Variants in JMJD1C observed in about 807,000 individuals in gnomAD.
JMJD1C encodes jumonji domain-containing protein 1C.
A neutral mutation model predicts 245.3 loss-of-function variants in JMJD1C; 31 were observed. The ratio of observed to expected loss-of-function variants is 0.13; its 90% confidence interval spans 0.09 to 0.17. The LOEUF is 0.17. Ranked by LOEUF, JMJD1C falls within the 10% of genes least tolerant of loss-of-function variation. The pLI, the probability that JMJD1C is intolerant of heterozygous loss-of-function variation, is 1.00. For synonymous variants in JMJD1C, 1,057 were observed against 1,017.4 expected, an observed-to-expected ratio of 1.04 and a Z score of -0.74; for missense variants, 2,691 against 3,000.2, an observed-to-expected ratio of 0.90 and a Z score of 2.41.
chr10:63,312,628 G>C (rs1165082190), intron 2 of JMJD1C, among the ~76,000 whole-genome samples: 1 of 152,164 alleles, frequency 6.6e-6, no homozygotes, highest in African/African-American at 2.4e-5. Context: ...AAAAAGTTGT[G>C]AAGTGGAAAT....
intron 1 of JMJD1C, among the ~76,000 whole-genome samples, chr10:63,386,315 T>C (rs142763111): frequency 2.6e-5 from 4 of 152,262 alleles, no homozygotes; most frequent in African/African-American, 4.8e-5. Context: ...CAGTTACCAG[T>C]TGCCTGCCTA....
intron 1 of JMJD1C, among the ~76,000 whole-genome samples, chr10:63,482,118 A>G (rs879849207): frequency 3.3e-5 from 5 of 152,206 alleles, no homozygotes; most frequent in Admixed American, 1.3e-4. Flanking sequence ...AAGGTTCTCC[A>G]AAGTTGTTTC....
In JMJD1C at chr10:63,462,435, AT is replaced by A. The variant is rs1456330514; in HGVS notation, c.168+3059del. On this transcript the variant is annotated intron_variant, in intron 1 of 25. Transcript: ENST00000399262. ...GTTTGCTACCACGGTGTGGTAAAAAATAATTTAATCCCAAAGATATCCATGT... is the reference window on the plus strand; with the variant it reads ...GTTTGCTACCACGGTGTGGTAAAAAAAATTTAATCCCAAAGATATCCATGT... Among the ~76,000 whole-genome samples the A allele has an allele frequency of 2.8e-4, 42 of 152,344 alleles. No homozygotes were observed. The Middle Eastern group carries it at 0.014, about 49-fold the overall frequency.
At chr10:63,339,342 G>A (rs570301899) in intron 2 of JMJD1C, among the ~76,000 whole-genome samples, 1 of 152,106 alleles carries the variant, frequency 6.6e-6, no homozygotes, top group South Asian at 2.1e-4. Context: ...AAAAGTGAGG[G>A]TGACAAAAAA....
At chr10:63,314,240 T>TA (rs772095276) in intron 2 of JMJD1C, among the ~76,000 whole-genome samples, 8 of 152,322 alleles carry the variant, frequency 5.3e-5, no homozygotes, top group African/African-American at 1.2e-4. Flanking sequence ...AACTATTTGT[T>TA]AAAAAAAGTT....
At chr10:63,229,515 GATAAT>G (rs1415435646) in intron 3 of JMJD1C, among the ~76,000 whole-genome samples, 2 of 151,934 alleles carry the variant, frequency 1.3e-5, no homozygotes, top group Non-Finnish European at 2.9e-5. Flanking sequence ...CAATCAAGAA[GATAAT>G]ATAAAATATG....
intron 3 of JMJD1C, among the ~76,000 whole-genome samples, chr10:63,257,293 C>T (rs10761730): frequency 0.86 from 129,994 of 151,278 alleles, 56,548 homozygotes; most frequent in African/African-American, 0.96. Flanking sequence ...GAGTAAGTAC[C>T]ATTAATCTAA....
At chr10:63,399,683 AT>A (rs1433300120) in intron 1 of JMJD1C, among the ~76,000 whole-genome samples, 11 of 152,196 alleles carry the variant, frequency 7.2e-5, no homozygotes, top group South Asian at 2.1e-4. Flanking sequence ...GGCATATATA[AT>A]TAAATCACTA....
At chr10:63,231,183 CA>C (rs1433384131) in intron 3 of JMJD1C, among the ~76,000 whole-genome samples, 1 of 152,154 alleles carries the variant, frequency 6.6e-6, no homozygotes, top group East Asian at 1.9e-4. Context: ...TCTTAATGCA[CA>C]CAAATCAGAA....
chr10:63,377,071 A>G (rs1305627422), intron 2 of JMJD1C, among the ~76,000 whole-genome samples: 2 of 152,348 alleles, frequency 1.3e-5, no homozygotes, highest in Non-Finnish European at 2.9e-5. Flanking sequence ...GTATAAACAC[A>G]ATGGAATGTT....
intron 1 of JMJD1C, among the ~76,000 whole-genome samples, chr10:63,406,360 A>G (rs1287945777): frequency 2.0e-5 from 3 of 152,188 alleles, no homozygotes; most frequent in Admixed American, 6.5e-5. Flanking sequence ...AACAGTTTCT[A>G]ATAAGCAATT....
chr10:63,177,485 G>A (rs528340880), intron 23 of JMJD1C: 60 of 503,648 alleles, frequency 1.2e-4, no homozygotes, highest in African/African-American at 1.1e-3. Flanking sequence ...ACAGGGAATG[G>A]AGGCACACTA....
At chr10:63,241,090 T>C (rs1350346096) in intron 3 of JMJD1C, among the ~76,000 whole-genome samples, 1 of 152,324 alleles carries the variant, frequency 6.6e-6, no homozygotes, top group East Asian at 1.9e-4. Flanking sequence ...GACTCGACTA[T>C]AGAGCTAGAC....
chr10:63,247,798 G>T (rs1466640813), intron 3 of JMJD1C, among the ~76,000 whole-genome samples: 1 of 148,860 alleles, frequency 6.7e-6, no homozygotes, highest in Admixed American at 6.7e-5. Flanking sequence ...AGGATCTAAT[G>T]ACTTTACTAC....
chr10:63,227,597 G>A (rs900068376), intron 3 of JMJD1C, among the ~76,000 whole-genome samples: 4 of 152,136 alleles, frequency 2.6e-5, no homozygotes, highest in Non-Finnish European at 4.4e-5. Flanking sequence ...CTTATTAATG[G>A]AATGATTTTC....
At chr10:63,404,434 G>C (rs1032830393) in intron 1 of JMJD1C, among the ~76,000 whole-genome samples, 20 of 152,000 alleles carry the variant, frequency 1.3e-4, no homozygotes, top group African/African-American at 4.8e-4. Flanking sequence ...TAAACAGATA[G>C]GGCCTTGCTA....
chr10:63,262,135 C>T (rs943829981), intron 3 of JMJD1C, among the ~76,000 whole-genome samples: 3 of 152,162 alleles, frequency 2.0e-5, no homozygotes, highest in East Asian at 3.8e-4. Flanking sequence ...CAGAGGGTTA[C>T]CCTAAGGTTG....
intron 2 of JMJD1C, among the ~76,000 whole-genome samples, chr10:63,312,105 TTTTTTTTTTTTG>T: frequency 9.0e-6 from 1 of 111,498 alleles, no homozygotes; most frequent in Non-Finnish European, 2.1e-5. Flanking sequence ...TTTTTTTTTT[TTTTTTTTTTTTG>T]TGTGTGTGAG....
chr10:63,370,260 C>T (rs925293740), intron 2 of JMJD1C, among the ~76,000 whole-genome samples: 1 of 152,152 alleles, frequency 6.6e-6, no homozygotes, highest in Non-Finnish European at 1.5e-5. Context: ...GATTTATCAA[C>T]CCTGTGGATG....
Sources: gnomAD v4.1 joint callset for allele counts (sites outside exome capture counted in the v4.1 genomes callset) on GRCh38, gnomAD v4.1.1 for gene constraint, MANE v1.5 for transcripts, NCBI Gene and HGNC (gene_info 2026-07-23, HGNC 2026-07-21) for gene names.